ERC2: variants seen among roughly 807,000 people sequenced by gnomAD.
ERC2 encodes ERC protein 2.
A neutral mutation model predicts 114.8 loss-of-function variants in ERC2; 42 were observed. The ratio of observed to expected loss-of-function variants is 0.37; its 90% CI spans 0.29 to 0.47. The LOEUF (loss-of-function observed/expected upper bound fraction) is 0.47. ERC2 is among the 20% of genes least tolerant of loss of function. The pLI, the probability that ERC2 is intolerant of heterozygous loss-of-function variation, is 0.99. For synonymous variants in ERC2, 454 were observed against 425.5 expected, an observed-to-expected ratio of 1.07 and a Z score of -0.82; for missense variants, 939 against 1,150.7, an observed-to-expected ratio of 0.82 and a Z score of 2.66.
intron 17 of ERC2, among the ~76,000 whole-genome samples, chr3:55,602,925 G>C (rs552877438): frequency 6.6e-6 from 1 of 152,282 alleles, no homozygotes; most frequent in Non-Finnish European, 1.5e-5. Context: ...ATCCTGCCCA[G>C]CCTCTGGCTG....
At chr3:56,300,280 C>CAAAAAAAAAAAAAAA (rs200816892) in intron 2 of ERC2, among the ~76,000 whole-genome samples, 1 of 93,218 alleles carries the variant, frequency 1.1e-5, no homozygotes, top group Non-Finnish European at 2.2e-5. Flanking sequence ...TCATGAAATA[C>CAAAAAAAAAAAAAAA]AAAAAAAAAA....
At chr3:56,204,579 C>T (rs1313431335) in intron 3 of ERC2, among the ~76,000 whole-genome samples, 2 of 151,440 alleles carry the variant, frequency 1.3e-5, no homozygotes, top group Non-Finnish European at 2.9e-5. Flanking sequence ...TCTTGGCTCA[C>T]TGCAACTCTG....
Position 56,066,963 on chromosome 3 carries a change from A to G in ERC2, c.1641+13854T>C, listed in dbSNP as rs562761185. Among the ~76,000 whole-genome samples, 118 of 152,332 alleles carry G rather than the reference A, an allele frequency of 7.7e-4. 1 individual carries two copies. Among genetic ancestry groups the G allele is most frequent in the African/African-American group, 2.8e-3 (117 of 41,582 alleles). On this transcript the variant is annotated intron_variant, in intron 7 of 17. Coordinates refer to ENST00000288221, the MANE Select transcript of ERC2 (RefSeq NM_015576.3). ...ATTGGTTACCATAGCCTTGTAGTAG[A>G]GTTTGAAGTCAAGCGGCATAATGCC... is the stretch of plus-strand genomic sequence containing the variant.
Position 56,006,922 on chromosome 3 carries a change from TATA to T in ERC2, c.2061+256_2061+258del, listed in dbSNP as rs796648238. 9.2e-5 allele frequency among the ~76,000 whole-genome samples: 14 copies of T among 152,246 alleles called. No individual in the cohort carries two copies. In the South Asian group the frequency reaches 2.5e-3, roughly 27 times the overall value. ...TGCCCAGAGAGTAATGGCTGGTTTT[TATA>T]ATATTTTTAACTTCTGCTACTATTT... is the stretch of plus-strand genomic sequence containing the variant. On this transcript the variant is annotated intron_variant, in intron 10 of 17. Coordinates refer to ENST00000288221, the MANE Select transcript of ERC2 (RefSeq NM_015576.3).
intron 13 of ERC2, among the ~76,000 whole-genome samples, chr3:55,932,934 C>T (rs911144883): frequency 6.6e-6 from 1 of 152,160 alleles, no homozygotes; most frequent in African/African-American, 2.4e-5. Flanking sequence ...AAGCACTGGG[C>T]GTGGTAGCTC....
intron 3 of ERC2, among the ~76,000 whole-genome samples, chr3:56,229,668 G>A (rs747796111): frequency 9.2e-5 from 14 of 152,086 alleles, no homozygotes; most frequent in Middle Eastern, 3.4e-3. Flanking sequence ...CTTATTATGA[G>A]GCTTATTAAT....
At chr3:56,230,552 A>G (rs182357855) in intron 3 of ERC2, among the ~76,000 whole-genome samples, 41 of 152,292 alleles carry the variant, frequency 2.7e-4, no homozygotes, top group African/African-American at 9.9e-4. Context: ...GAGCCGCCAC[A>G]GTTGGCCTAA....
chr3:56,404,725 TA>T (rs1045087628), intron 2 of ERC2, among the ~76,000 whole-genome samples: 76 of 146,602 alleles, frequency 5.2e-4, no homozygotes, highest in African/African-American at 6.5e-4. Context: ...TTTTTTAATT[TA>T]AAAAAAAAAA....
intron 4 of ERC2, among the ~76,000 whole-genome samples, chr3:56,149,375 A>G (rs1004664537): frequency 1.3e-5 from 2 of 152,206 alleles, no homozygotes; most frequent in African/African-American, 4.8e-5. Flanking sequence ...AGATATGTTT[A>G]TCTAATATCT....
chr3:56,311,247 CTCTCTCTCTATA>C (rs1382494528), intron 2 of ERC2, among the ~76,000 whole-genome samples: 1 of 34,710 alleles, frequency 2.9e-5, no homozygotes, highest in East Asian at 6.9e-4. Context: ...CTCTCTCTCT[CTCTCTCTCTATA>C]TATATATATA....
chr3:56,277,748 CA>C (rs58903780), intron 3 of ERC2, among the ~76,000 whole-genome samples: 47,930 of 146,202 alleles, frequency 0.33, 8,471 homozygotes, highest in East Asian at 0.7. Context: ...GCCAAATTAC[CA>C]AAAAAAAAAA....
chr3:56,199,682 AT>A (rs1280531803), intron 3 of ERC2, among the ~76,000 whole-genome samples: 4 of 151,808 alleles, frequency 2.6e-5, no homozygotes, highest in Non-Finnish European at 4.4e-5. Context: ...TAATTCTTTA[AT>A]TTTTTTGTAA....
intron 7 of ERC2, among the ~76,000 whole-genome samples, chr3:56,030,754 T>A (rs1455959359): frequency 6.6e-6 from 1 of 152,244 alleles, no homozygotes; most frequent in Non-Finnish European, 1.5e-5. Flanking sequence ...GCATGAATAA[T>A]CTTCATGGAT....
intron 13 of ERC2, among the ~76,000 whole-genome samples, chr3:55,907,279 C>T (rs547283201): frequency 6.6e-6 from 1 of 152,312 alleles, no homozygotes; most frequent in Non-Finnish European, 1.5e-5. Context: ...AGAAAGATCC[C>T]AGTTCAAATC....
At chr3:56,097,487 T>C (rs780382224) in intron 6 of ERC2, among the ~76,000 whole-genome samples, 13 of 152,260 alleles carry the variant, frequency 8.5e-5, no homozygotes, top group Middle Eastern at 3.4e-3. Flanking sequence ...TCTATTTCTG[T>C]GTGGGTTTGT....
intron 17 of ERC2, among the ~76,000 whole-genome samples, chr3:55,513,033 C>G (rs2052205816): frequency 6.6e-6 from 1 of 152,184 alleles, no homozygotes; most frequent in Non-Finnish European, 1.5e-5. Context: ...GGGCTGCCAC[C>G]CACTGTGAGA....
At chr3:56,379,356 C>A (rs73075820) in intron 2 of ERC2, among the ~76,000 whole-genome samples, 4,837 of 152,170 alleles carry the variant, frequency 0.032, 157 homozygotes, top group African/African-American at 0.076. Context: ...TGAAAAAAAA[C>A]CAAAATAACC....
intron 2 of ERC2, among the ~76,000 whole-genome samples, chr3:56,332,324 A>G (rs2057662711): frequency 1.3e-5 from 2 of 152,150 alleles, no homozygotes; most frequent in Admixed American, 6.5e-5. Context: ...CTCCATAATA[A>G]TCATCATCAT....
At chr3:56,119,186 T>C (rs1208330205) in intron 6 of ERC2, among the ~76,000 whole-genome samples, 3 of 152,172 alleles carry the variant, frequency 2.0e-5, no homozygotes, top group African/African-American at 4.8e-5. Context: ...CTTTAAACCA[T>C]TGAGATTTTG....
Sources: allele counts gnomAD v4.1 joint callset (sites outside exome capture counted in the v4.1 genomes callset), GRCh38; gene constraint gnomAD v4.1.1; transcripts MANE v1.5; gene names NCBI Gene and HGNC (gene_info 2026-07-23, HGNC 2026-07-21).